Variants in CHEK1 observed in about 807,000 individuals in gnomAD.
CHEK1 encodes checkpoint kinase 1.
A neutral mutation model predicts 60.2 loss-of-function variants in CHEK1; 32 were observed. That is an observed-to-expected ratio of 0.53 (90% CI 0.40 to 0.71). The LOEUF (loss-of-function observed/expected upper bound fraction) is 0.71. Among genes scored for constraint, CHEK1 ranks in the 30% least tolerant of loss-of-function variants. CHEK1 has a pLI of 0.00. For synonymous variants in CHEK1, 179 were observed against 187.2 expected, an observed-to-expected ratio of 0.96 and a Z score of 0.36; for missense variants, 399 against 564.6, an observed-to-expected ratio of 0.71 and a Z score of 2.97.
At chr11:125,646,124 C>CCT (rs1473254202) in intron 11 of CHEK1, among the ~76,000 whole-genome samples, 6 of 152,138 alleles carry the variant, frequency 3.9e-5, no homozygotes, top group Non-Finnish European at 7.4e-5. Flanking sequence ...CTCTGTACCA[C>CCT]CTAGAATCAC....
chr11:125,649,064 G>A (rs780080322), intron 11 of CHEK1, among the ~76,000 whole-genome samples: 6 of 152,138 alleles, frequency 3.9e-5, no homozygotes, highest in Non-Finnish European at 1.5e-5. Flanking sequence ...TGATCCTCCT[G>A]AGTAGTGGGT....
chr11:125,663,619 C>T (rs1942053639), intron 13 of CHEK1, among the ~76,000 whole-genome samples: 1 of 151,974 alleles, frequency 6.6e-6, no homozygotes, highest in South Asian at 2.1e-4. Flanking sequence ...TAGATTGTCT[C>T]TTTACTCTGT....
chr11:125,632,494 T>C (rs1940903926), intron 5 of CHEK1, among the ~76,000 whole-genome samples: 1 of 152,214 alleles, frequency 6.6e-6, no homozygotes, highest in African/African-American at 2.4e-5. Context: ...CACTAATTTA[T>C]CTATTACCTG....
chr11:125,626,424 C>T, intron 1 of CHEK1: 1 of 440,922 alleles, frequency 2.3e-6, no homozygotes, highest in South Asian at 3.5e-5. Context: ...CAGACCCCCA[C>T]CTCTCCCTCC....
In CHEK1 at chr11:125,643,893, G is replaced by A; in HGVS notation, c.916G>A (p.Ala306Thr). The change falls in exon 9 of 13, where the codon GCT becomes ACT. Residue 306 changes from alanine to threonine, a missense_variant. By Grantham distance (58) the Ala-to-Thr change is moderately conservative. Coordinates refer to ENST00000438015, the MANE Select transcript of CHEK1 (RefSeq NM_001114122.3). ...SNLDFSPVNSASSEENVKYSS... is the reference protein window; with the variant it reads ...SNLDFSPVNSTSSEENVKYSS... Reference sequence around the variant, plus strand: ...TTTGGACTTCTCTCCAGTAAACAGTGCTTCTAGGTAAGACTGATAAAGATT... The same window carrying A: ...TTTGGACTTCTCTCCAGTAAACAGTACTTCTAGGTAAGACTGATAAAGATT... 6.2e-7 allele frequency: 1 copy of A among 1,612,814 alleles called. No individual in the cohort carries two copies. Among genetic ancestry groups the A allele is most frequent in the Non-Finnish European group, 8.5e-7 (1 of 1,178,978 alleles).
intron 9 of CHEK1, 23 bp downstream of exon 9, chr11:125,643,923 AG>A: frequency 6.3e-7 from 1 of 1,592,652 alleles, no homozygotes; most frequent in East Asian, 2.2e-5. Flanking sequence ...AAGATTGAGT[AG>A]TTTTTGATTG....
rs1474087702 is a variant in CHEK1 at position 125,653,873 on chromosome 11, TTC to T, written c.1335+28_1335+29del. On this transcript the variant is annotated intron_variant, in intron 12 of 12. Coordinates refer to ENST00000438015, the MANE Select transcript of CHEK1 (RefSeq NM_001114122.3). The surrounding 1 kb of genome is among the most constrained non-coding windows in gnomAD (Gnocchi z 4.3). Reference sequence around the variant, plus strand: ...GTATTTTTATGTTTTATTGTATTCTTTCTATGGAAATATTTCTATATGAATTT... The same window carrying T: ...GTATTTTTATGTTTTATTGTATTCTTTATGGAAATATTTCTATATGAATTT... 7.7e-7 allele frequency: 1 copy of T among 1,304,412 alleles called. No individual in the cohort carries two copies. Among genetic ancestry groups the T allele is most frequent in the East Asian group, 2.4e-5 (1 of 41,848 alleles). 80.8% of individuals were successfully genotyped at this position (1,304,412 alleles called of 1,614,324 possible).
At chr11:125,634,272 G>GT (rs1940979371) in intron 6 of CHEK1, among the ~76,000 whole-genome samples, 1 of 151,682 alleles carries the variant, frequency 6.6e-6, no homozygotes, top group Non-Finnish European at 1.5e-5. Context: ...TGTTTTTTGG[G>GT]TTTTTTGTTA....
At chr11:125,670,573 C>T (rs1942183667) in intron 13 of CHEK1, among the ~76,000 whole-genome samples, 1 of 152,026 alleles carries the variant, frequency 6.6e-6, no homozygotes, top group Non-Finnish European at 1.5e-5. Context: ...GTTTTTGAGC[C>T]TCCTGGAGTC....
intron 11 of CHEK1, among the ~76,000 whole-genome samples, chr11:125,652,970 C>T (rs1483576439): frequency 6.6e-6 from 1 of 152,128 alleles, no homozygotes; most frequent in African/African-American, 2.4e-5. Context: ...CCTTCCCTCT[C>T]CCCTTCCTGG....
At position 125,653,651 on chromosome 11, in the gene CHEK1, G is replaced by GT. The variant is rs1565381885; in HGVS notation, c.1234-89dup. The GT allele has an allele frequency of 5.9e-6, 4 of 682,008 alleles. No individual in the cohort carries two copies. The highest frequency in any genetic ancestry group is 5.3e-5 in the South Asian group (3 of 56,608). 42.2% of individuals were successfully genotyped at this position (682,008 alleles called of 1,614,324 possible). ...GAACATATAGGTAGTTTTATTTGTA[G>GT]TTTTTTGAGAAACTTCTATTCTGTT... On this transcript the variant is annotated intron_variant, in intron 11 of 12. Coordinates refer to ENST00000438015, the MANE Select transcript of CHEK1 (RefSeq NM_001114122.3). This position sits in a 1 kb window ranked among gnomAD's most constrained non-coding sequence, Gnocchi z 4.3.
downstream of CHEK1, chr11:125,680,912 A>G (rs2134136957): frequency 1.2e-5 from 9 of 743,334 alleles, 1 homozygote; most frequent in South Asian, 1.5e-4. Flanking sequence ...GAAGTAACCC[A>G]TGTTTCTTCA....
downstream of CHEK1, among the ~76,000 whole-genome samples, chr11:125,661,468 T>A (rs1196023763): frequency 1.3e-5 from 2 of 152,046 alleles, no homozygotes; most frequent in Non-Finnish European, 2.9e-5. Context: ...TGTGCCATCA[T>A]GTCTGGCTAA....
downstream of CHEK1, among the ~76,000 whole-genome samples, chr11:125,661,494 T>C (rs1942014331): frequency 6.6e-6 from 1 of 152,130 alleles, no homozygotes; most frequent in Admixed American, 6.5e-5. Flanking sequence ...GTATTTTTAG[T>C]AGAGACAGGG....
chr11:125,665,869 C>CTTTTTTTT (rs66560397), intron 13 of CHEK1, among the ~76,000 whole-genome samples: 816 of 30,328 alleles, frequency 0.027, no homozygotes, highest in Middle Eastern at 0.062. Context: ...CTTCATTCCC[C>CTTTTTTTT]TTTTTTTTTT....
chr11:125,648,833 T>G lies in CHEK1; in HGVS notation c.1233+4190T>G, dbSNP rs1418083629. Among the ~76,000 whole-genome samples, 6 of 152,216 alleles carry G rather than the reference T, an allele frequency of 3.9e-5. No individual in the cohort carries two copies. The South Asian group carries it at 8.3e-4, about 21-fold the overall frequency. ...TTTATGGTGAAAGAGTATTGGATTTTGTCAAATGTTTTCTCCGTCTATTGA... is the reference window on the plus strand; with the variant it reads ...TTTATGGTGAAAGAGTATTGGATTTGGTCAAATGTTTTCTCCGTCTATTGA... On this transcript the variant is annotated intron_variant, in intron 11 of 12. Transcript: ENST00000438015.
intron 13 of CHEK1, among the ~76,000 whole-genome samples, chr11:125,666,099 A>AT (rs200695096): frequency 0.012 from 1,670 of 143,486 alleles, 22 homozygotes; most frequent in Middle Eastern, 0.016. Context: ...TAGGTTGTTT[A>AT]TTTTTTTTCT....
intron 8 of CHEK1, among the ~76,000 whole-genome samples, chr11:125,641,464 G>A (rs1337176310): frequency 6.6e-6 from 1 of 151,978 alleles, no homozygotes; most frequent in African/African-American, 2.4e-5. Flanking sequence ...AAAACTATAT[G>A]TTGATAGTCA....
chr11:125,626,730 G>T lies in CHEK1; in HGVS notation c.-20-19G>T. Reference sequence around the variant, plus strand: ...TGATCTTACACTCTACATCTTTTCTGGATTCCTGCCTTTTACAGCCGAGGT... The same window carrying T: ...TGATCTTACACTCTACATCTTTTCTTGATTCCTGCCTTTTACAGCCGAGGT... On this transcript the variant is annotated intron_variant, in intron 1 of 12. Transcript: ENST00000438015. The T allele has an allele frequency of 6.2e-7, 1 of 1,612,206 alleles. No individual in the cohort carries two copies. Among genetic ancestry groups the T allele is most frequent in the Non-Finnish European group, 8.5e-7 (1 of 1,178,304 alleles).
Sources: allele counts gnomAD v4.1 joint callset (sites outside exome capture counted in the v4.1 genomes callset), GRCh38; gene constraint gnomAD v4.1.1; non-coding constraint Gnocchi (gnomAD v3.1); transcripts MANE v1.5; gene names NCBI Gene and HGNC (gene_info 2026-07-23, HGNC 2026-07-21).